SETX: variants seen among roughly 807,000 people sequenced by gnomAD.
SETX encodes senataxin, also known as helicase senataxin.
Under a neutral mutation model 227.2 loss-of-function variants are expected in SETX, and 90 were observed. The observed-to-expected ratio is 0.40, with a 90% confidence interval of 0.33 to 0.47. The LOEUF is 0.47. SETX is among the 20% of genes least tolerant of loss of function. The probability of loss-of-function intolerance (pLI) is 0.91; values close to 1 mark genes in which losing one functional copy is unlikely to be tolerated. For missense variants in SETX, 3,052 were observed against 3,181.5 expected (o/e 0.96, Z 0.98); for synonymous variants, 1,210 against 1,113.2 (o/e 1.09, Z -1.73).
Position 132,283,278 on chromosome 9 carries a change from C to T in SETX, c.6532G>A (p.Val2178Ile). ...CGTTCACTGACCTCATCAACAATGACACAGCTGAAGGGGACACCCCCTTGC... is the reference window on the plus strand; with the variant it reads ...CGTTCACTGACCTCATCAACAATGATACAGCTGAAGGGGACACCCCCTTGC... Reference protein sequence around the residue: ...RGQGGVPFSCVIVDEAGQSCE... With the variant: ...RGQGGVPFSCIIVDEAGQSCE... The change falls in exon 19 of 26, where the codon GTC (valine) becomes ATC (isoleucine). Residue 2178 changes from valine (V) to isoleucine (I), a missense_variant. Transcript: ENST00000224140. 6.2e-7 allele frequency: 1 copy of T among 1,614,138 alleles called. No individual in the cohort carries two copies. Among genetic ancestry groups the T allele is most frequent in the East Asian group, 2.2e-5 (1 of 44,878 alleles).
chr9:132,283,999 CTCAG>C (rs1402448194), intron 18 of SETX, among the ~76,000 whole-genome samples: 3 of 152,202 alleles, frequency 2.0e-5, no homozygotes, highest in African/African-American at 4.8e-5. Context: ...ACCTACACTG[CTCAG>C]TCAATCAGCA....
chr9:132,272,822 C>T (rs1474196033), intron 23 of SETX, among the ~76,000 whole-genome samples: 2 of 152,158 alleles, frequency 1.3e-5, no homozygotes, highest in African/African-American at 4.8e-5. Context: ...AGAACTTCAT[C>T]CCTTTCTTCA....
At chr9:132,309,134 TC>T (rs1845500899) in intron 11 of SETX, among the ~76,000 whole-genome samples, 2 of 151,994 alleles carry the variant, frequency 1.3e-5, no homozygotes, top group African/African-American at 4.8e-5. Context: ...CAAGATTCCA[TC>T]TCAAAAAACA....
At chr9:132,285,956 A>G (rs1255710808) in intron 18 of SETX, among the ~76,000 whole-genome samples, 4 of 147,956 alleles carry the variant, frequency 2.7e-5, no homozygotes, top group African/African-American at 1.0e-4. Context: ...AGGCTGAGGC[A>G]GGAGGATCAT....
chr9:132,354,078 T>A (rs2297423), intron 1 of SETX, among the ~76,000 whole-genome samples: 8,941 of 152,250 alleles, frequency 0.059, 378 homozygotes, highest in East Asian at 0.25. Flanking sequence ...CTTCTCCTTG[T>A]GGAGCTCTTT....
chr9:132,304,612 G>A (rs533533944), intron 11 of SETX, among the ~76,000 whole-genome samples: 33 of 140,924 alleles, frequency 2.3e-4, no homozygotes, highest in African/African-American at 8.0e-4. Context: ...CAGCCTGGGC[G>A]ACAGAACAAG....
chr9:132,294,338 CAA>C (rs1337253800), intron 15 of SETX, among the ~76,000 whole-genome samples: 1 of 152,162 alleles, frequency 6.6e-6, no homozygotes, highest in Non-Finnish European at 1.5e-5. Flanking sequence ...TTGTAATGCT[CAA>C]GTTTGAAATA....
rs1036322854 is a variant in SETX at position 132,262,177 on chromosome 9, G to C, written c.*2062C>G. On this transcript the variant is annotated 3_prime_UTR_variant, in exon 26 of 26. Transcript: ENST00000224140. ...GAACCAACAGGTGAACACAACGTAA[G>C]AACAGGCATCAAACTTCACTGGAAA... 2.6e-5 allele frequency: 4 copies of C among 152,210 alleles called. No homozygotes were observed. The highest frequency in any genetic ancestry group is 7.2e-5 in the African/African-American group (3 of 41,448). 9.4% of individuals were successfully genotyped at this position (152,210 alleles called of 1,614,324 possible). A position where few individuals can be genotyped will look rare whatever the true frequency, so the allele number is the denominator to read the frequency against.
intron 23 of SETX, among the ~76,000 whole-genome samples, chr9:132,273,472 GTTCT>G (rs1259673173): frequency 1.3e-5 from 2 of 152,168 alleles, no homozygotes; most frequent in Non-Finnish European, 2.9e-5. Context: ...CTATTTAGGT[GTTCT>G]TTAATTCCTT....
intron 18 of SETX, among the ~76,000 whole-genome samples, chr9:132,283,742 G>A (rs1843671514): frequency 6.6e-6 from 1 of 152,244 alleles, no homozygotes; most frequent in African/African-American, 2.4e-5. Flanking sequence ...AAGTAGAGAT[G>A]TAATAATTCT....
chr9:132,285,270 G>T (rs1231472747), intron 18 of SETX, among the ~76,000 whole-genome samples: 1 of 152,048 alleles, frequency 6.6e-6, no homozygotes, highest in Non-Finnish European at 1.5e-5. Context: ...TTATAAGAAA[G>T]AATTTAAATA....
At chr9:132,300,586 G>C (rs1844935167) in intron 12 of SETX, 44 bp downstream of exon 12, 1 of 1,580,840 alleles carries the variant, frequency 6.3e-7, no homozygotes, top group African/African-American at 1.3e-5. Flanking sequence ...TATTAGATGA[G>C]ACTGTATCTG....
chr9:132,293,645 C>T (rs545449799), intron 15 of SETX, among the ~76,000 whole-genome samples: 11 of 152,238 alleles, frequency 7.2e-5, no homozygotes, highest in Admixed American at 5.2e-4. Context: ...GTCTCAAACT[C>T]CTGACCTCAG....
Position 132,264,631 on chromosome 9 carries a change from C to T in SETX, c.7642G>A (p.Glu2548Lys). 6.2e-7 allele frequency: 1 copy of T among 1,614,244 alleles called. No individual in the cohort carries two copies. Among genetic ancestry groups the T allele is most frequent in the Non-Finnish European group, 8.5e-7 (1 of 1,180,054 alleles). ...CAAAGGAATATTCCTCCTTTGACCT[C>T]AATGCCCATCCTCTTCAGCAGTCGT... is the stretch of plus-strand genomic sequence containing the variant. ...DPRLLKRMGI[E>K]VKGGIFLWDP... is the part of the protein sequence containing the mutation. The change falls in exon 26 of 26, where the codon GAG (glutamate) becomes AAG (lysine). Residue 2548 changes from glutamate to lysine, a missense_variant. Transcript: ENST00000224140.
chr9:132,320,033 A>C (rs1407919548), intron 10 of SETX, among the ~76,000 whole-genome samples: 1 of 152,202 alleles, frequency 6.6e-6, no homozygotes, highest in Non-Finnish European at 1.5e-5. Context: ...GCCCCTGGCA[A>C]AACAGTGCAC....
At chr9:132,332,371 C>A (rs561028080) in intron 7 of SETX, among the ~76,000 whole-genome samples, 3 of 152,176 alleles carry the variant, frequency 2.0e-5, no homozygotes, top group Non-Finnish European at 4.4e-5. Context: ...AACATTCCCC[C>A]ACTTCAGTCA....
chr9:132,337,535 G>A (rs1222795600), intron 5 of SETX, among the ~76,000 whole-genome samples: 1 of 151,484 alleles, frequency 6.6e-6, no homozygotes, highest in African/African-American at 2.4e-5. Flanking sequence ...GCATACACAA[G>A]GAAAACATTT....
chr9:132,340,291 A>G (rs142980376), intron 5 of SETX, among the ~76,000 whole-genome samples: 1 of 152,304 alleles, frequency 6.6e-6, no homozygotes, highest in East Asian at 1.9e-4. Flanking sequence ...CTCATTTCAC[A>G]TTAGTATCTT....
chr9:132,326,206 A>G (rs964915172), intron 10 of SETX, 118 bp downstream of exon 10: 3 of 787,158 alleles, frequency 3.8e-6, no homozygotes, highest in Non-Finnish European at 6.4e-6. Flanking sequence ...AGCTGGGATT[A>G]CAGGTGCCCG....
Sources: gnomAD v4.1 joint callset for allele counts (sites outside exome capture counted in the v4.1 genomes callset) on GRCh38, gnomAD v4.1.1 for gene constraint, MANE v1.5 for transcripts, NCBI Gene and HGNC (gene_info 2026-07-23, HGNC 2026-07-21) for gene names.